The following PPP6R2 variants were observed in gnomAD, a reference collection of about 807,000 sequenced individuals.
The protein encoded by PPP6R2 is serine/threonine-protein phosphatase 6 regulatory subunit 2.
Under a neutral mutation model 100.2 loss-of-function variants are expected in PPP6R2, and 62 were observed. The ratio of observed to expected loss-of-function variants is 0.62; its 90% CI spans 0.50 to 0.76. The LOEUF (loss-of-function observed/expected upper bound fraction) is 0.76. PPP6R2 is among the 30% of genes least tolerant of loss of function. The probability of loss-of-function intolerance (pLI) is 0.00; values close to 1 mark genes in which losing one functional copy is unlikely to be tolerated. For synonymous variants in PPP6R2, 525 were observed against 514.7 expected (o/e 1.02, Z -0.27); for missense variants, 1,142 against 1,276.3 (o/e 0.89, Z 1.60).
chr22:50,365,553 C>T (rs1033358992), intron 1 of PPP6R2, among the ~76,000 whole-genome samples: 1 of 151,664 alleles, frequency 6.6e-6, no homozygotes, highest in African/African-American at 2.4e-5. Context: ...GTGGCGGGCG[C>T]CTGTAGTCCC....
intron 1 of PPP6R2, among the ~76,000 whole-genome samples, chr22:50,368,175 G>C (rs571508822): frequency 1.3e-5 from 2 of 152,260 alleles, no homozygotes; most frequent in Non-Finnish European, 2.9e-5. Context: ...GAGCGTGACC[G>C]CTGAAGCACA....
At position 50,356,070 on chromosome 22, in the gene PPP6R2, C is replaced by T. The variant is rs182880794; in HGVS notation, c.-148+12520C>T. 2.5e-4 allele frequency among the ~76,000 whole-genome samples: 38 copies of T among 151,442 alleles called. No individual in the cohort carries two copies. The East Asian group carries it at 6.3e-3, about 25-fold the overall frequency. ...CTCCGCCTCCCAGGTTCATGCCATT[C>T]TCCTGCCTCAGCCTCCAGAGTAGCT... is the stretch of plus-strand genomic sequence containing the variant. On this transcript the variant is annotated intron_variant, in intron 1 of 23. Coordinates refer to ENST00000612753, the MANE Select transcript of PPP6R2 (RefSeq NM_001242898.2).
chr22:50,413,811 G>A (rs557176584), intron 4 of PPP6R2, among the ~76,000 whole-genome samples: 1 of 152,218 alleles, frequency 6.6e-6, no homozygotes, highest in South Asian at 2.1e-4. Context: ...TCCAGTGGAG[G>A]GCTGGGTCTA....
rs1405391246 is a variant in PPP6R2 at position 50,351,727 on chromosome 22, G to A, written c.-148+8177G>A. ...CAGCTCACCGCAACCTCTGGTTCCC[G>A]TGTTCAAGTGATTCTCCTGCCTCAG... On this transcript the variant is annotated intron_variant, in intron 1 of 23. Coordinates refer to ENST00000612753, the MANE Select transcript of PPP6R2 (RefSeq NM_001242898.2). Among the ~76,000 whole-genome samples, 6 of 151,916 alleles carry A rather than the reference G, an allele frequency of 3.9e-5. No homozygotes were observed. In the South Asian group the frequency reaches 6.3e-4, roughly 16 times the overall value.
intron 1 of PPP6R2, among the ~76,000 whole-genome samples, chr22:50,354,320 TAAATA>T (rs1203852938): frequency 1.3e-4 from 20 of 151,942 alleles, no homozygotes; most frequent in African/African-American, 1.7e-4. Context: ...AAATAAATAA[TAAATA>T]AAATAAAATG....
intron 1 of PPP6R2, among the ~76,000 whole-genome samples, chr22:50,352,908 TAA>T (rs952802635): frequency 3.3e-5 from 5 of 150,586 alleles, no homozygotes; most frequent in Admixed American, 2.0e-4. Flanking sequence ...CGCTACAAAA[TAA>T]AAGTTTAGCT....
intron 10 of PPP6R2, among the ~76,000 whole-genome samples, chr22:50,429,428 T>C (rs2062754048): frequency 6.6e-6 from 1 of 152,262 alleles, no homozygotes; most frequent in African/African-American, 2.4e-5. Flanking sequence ...TTGATTTTCA[T>C]ACGTCGATCC....
At chr22:50,342,845 G>C (rs1462530029), upstream of PPP6R2, among the ~76,000 whole-genome samples, 2 of 151,986 alleles carry the variant, frequency 1.3e-5, no homozygotes, top group Non-Finnish European at 2.9e-5. Context: ...GACGCGGGAC[G>C]GGGAGGGGCC....
At chr22:50,353,666 C>G (rs1432363421) in intron 1 of PPP6R2, among the ~76,000 whole-genome samples, 1 of 152,076 alleles carries the variant, frequency 6.6e-6, no homozygotes, top group African/African-American at 2.4e-5. Context: ...GTAGAAAGCA[C>G]ATTACCTGCG....
At chr22:50,437,483 C>CAGCCCAA in intron 15 of PPP6R2, 23 bp from the exon 16 acceptor site, 1 of 734,984 alleles carries the variant, frequency 1.4e-6, no homozygotes. Context: ...CTGTCCGTCC[C>CAGCCCAA]TCCCTCCCTC....
At chr22:50,355,860 AAAAG>A (rs987346705) in intron 1 of PPP6R2, among the ~76,000 whole-genome samples, 12 of 150,980 alleles carry the variant, frequency 7.9e-5, no homozygotes, top group African/African-American at 2.0e-4. Flanking sequence ...AAACCAAAAA[AAAAG>A]CTTTTAAAAA....
chr22:50,377,054 ATATT>A, intron 2 of PPP6R2, among the ~76,000 whole-genome samples: 1 of 152,308 alleles, frequency 6.6e-6, no homozygotes, highest in East Asian at 1.9e-4. Context: ...AAAGAAATAA[ATATT>A]TAACAACATA....
At chr22:50,376,211 T>C (rs545590364) in intron 2 of PPP6R2, among the ~76,000 whole-genome samples, 5 of 152,026 alleles carry the variant, frequency 3.3e-5, no homozygotes, top group East Asian at 3.9e-4. Context: ...CCCCAGCATA[T>C]TGGGAGGCTG....
At chr22:50,331,484 G>C in the PPP6R2 span, among the ~76,000 whole-genome samples, 1 of 152,106 alleles carries the variant, frequency 6.6e-6, no homozygotes, top group Non-Finnish European at 1.5e-5. Flanking sequence ...GTTCGAGGGG[G>C]TCTGCAGTGG....
At chr22:50,384,710 G>A (rs930047263) in intron 2 of PPP6R2, among the ~76,000 whole-genome samples, 11 of 152,134 alleles carry the variant, frequency 7.2e-5, no homozygotes, top group Non-Finnish European at 1.6e-4. Context: ...GCTGAGTAGT[G>A]TACTAGCTCA....
In PPP6R2 at chr22:50,431,558, T is replaced by C. The variant is rs1208950719; in HGVS notation, c.1335+176T>C. On this transcript the variant is annotated intron_variant, in intron 11 of 23. Coordinates refer to ENST00000612753, the MANE Select transcript of PPP6R2 (RefSeq NM_001242898.2). This position sits in a 1 kb window ranked among gnomAD's most constrained non-coding sequence, Gnocchi z 4.8. ...GTAGACAGTGGGGCTTGAGTGGGTC[T>C]TGCAGATCTCATTCCTACCTGCCTT... Among the ~76,000 whole-genome samples the C allele has an allele frequency of 1.3e-5, 2 of 152,232 alleles. No homozygotes were observed. The highest frequency in any genetic ancestry group is 2.9e-5 in the Non-Finnish European group (2 of 68,040).
intron 18 of PPP6R2, 66 bp downstream of exon 18, chr22:50,438,364 G>A: frequency 6.4e-7 from 1 of 1,563,118 alleles, no homozygotes; most frequent in South Asian, 1.2e-5. Flanking sequence ...ACACCTGTCA[G>A]ACGCCCTGTG....
chr22:50,396,354 G>A (rs1224804620), intron 3 of PPP6R2, among the ~76,000 whole-genome samples: 1 of 151,936 alleles, frequency 6.6e-6, no homozygotes, highest in East Asian at 1.9e-4. Context: ...AATTTGCTGG[G>A]TGTGGTGGCA....
At chr22:50,372,296 AATCTC>A (rs1365346271) in intron 2 of PPP6R2, 146 bp downstream of exon 2, 1 of 152,298 alleles carries the variant, frequency 6.6e-6, no homozygotes, top group African/African-American at 2.4e-5. Flanking sequence ...TCACACCTGT[AATCTC>A]AGCACTTTGG....
Sources: gnomAD v4.1 joint callset for allele counts (sites outside exome capture counted in the v4.1 genomes callset) on GRCh38, gnomAD v4.1.1 for gene constraint, Gnocchi (gnomAD v3.1) non-coding constraint, MANE v1.5 for transcripts, NCBI Gene and HGNC (gene_info 2026-07-23, HGNC 2026-07-21) for gene names.